ST6GALNAC3: variants seen among roughly 807,000 people sequenced by gnomAD.
ST6GALNAC3 encodes the protein ST6 N-acetylgalactosaminide alpha-2,6-sialyltransferase 3.
In ST6GALNAC3, 25 loss-of-function variants were observed where a neutral mutation model predicts 32.7. The observed-to-expected ratio is 0.76, with a 90% confidence interval of 0.56 to 1.07. The LOEUF (loss-of-function observed/expected upper bound fraction) is 1.07. ST6GALNAC3 is among the 50% of genes least tolerant of loss of function. ST6GALNAC3 has a pLI of 0.00. For missense variants in ST6GALNAC3, 355 were observed against 382.4 expected, an observed-to-expected ratio of 0.93 and a Z score of 0.60; for synonymous variants, 129 against 133.1, an observed-to-expected ratio of 0.97 and a Z score of 0.21.
intron 1 of ST6GALNAC3, among the ~76,000 whole-genome samples, chr1:76,233,292 G>A (rs993752123): frequency 6.6e-6 from 1 of 152,154 alleles, no homozygotes; most frequent in Non-Finnish European, 1.5e-5. Context: ...TGATTGCAAA[G>A]GTTCACTTGC....
At chr1:76,409,539 GA>G (rs35554844) in intron 2 of ST6GALNAC3, among the ~76,000 whole-genome samples, 35,551 of 150,088 alleles carry the variant, frequency 0.24, 5,053 homozygotes, top group Admixed American at 0.31. Flanking sequence ...TTTTATAGTA[GA>G]AAAAAAAACA....
At chr1:76,270,484 G>A (rs1412809789) in intron 1 of ST6GALNAC3, among the ~76,000 whole-genome samples, 5 of 141,968 alleles carry the variant, frequency 3.5e-5, no homozygotes, top group Non-Finnish European at 7.6e-5. Flanking sequence ...TCCAGCCTAG[G>A]TGACAAGAGT....
chr1:76,185,405 G>C (rs935111592), intron 1 of ST6GALNAC3, among the ~76,000 whole-genome samples: 16 of 152,110 alleles, frequency 1.1e-4, no homozygotes, highest in African/African-American at 3.9e-4. Context: ...TCCAGATGAG[G>C]AGACCTTTTC....
intron 3 of ST6GALNAC3, among the ~76,000 whole-genome samples, chr1:76,613,442 G>A (rs1373686896): frequency 6.6e-6 from 1 of 152,162 alleles, no homozygotes; most frequent in Non-Finnish European, 1.5e-5. Flanking sequence ...AATTCTAACT[G>A]AGCTATGGGT....
chr1:76,311,329 G>A (rs972220147), intron 1 of ST6GALNAC3, among the ~76,000 whole-genome samples: 1 of 148,688 alleles, frequency 6.7e-6, no homozygotes, highest in Non-Finnish European at 1.5e-5. Context: ...TGTGTAGAAT[G>A]TACAGGTTTG....
intron 3 of ST6GALNAC3, among the ~76,000 whole-genome samples, chr1:76,599,617 A>G (rs994913882): frequency 1.3e-5 from 2 of 152,112 alleles, no homozygotes; most frequent in African/African-American, 4.8e-5. Flanking sequence ...CATGTGAAAA[A>G]TCAAGTTTAA....
intron 3 of ST6GALNAC3, among the ~76,000 whole-genome samples, chr1:76,617,417 T>C (rs1273493040): frequency 6.6e-6 from 1 of 152,066 alleles, no homozygotes; most frequent in Non-Finnish European, 1.5e-5. Context: ...ATAGGTGAAC[T>C]AAAAGAGAAA....
At chr1:76,432,434 C>T (rs1159268163) in intron 3 of ST6GALNAC3, among the ~76,000 whole-genome samples, 3 of 131,928 alleles carry the variant, frequency 2.3e-5, no homozygotes, top group African/African-American at 2.9e-5. Context: ...GCTAAGTTGC[C>T]TTTATTGCCT....
intron 1 of ST6GALNAC3, among the ~76,000 whole-genome samples, chr1:76,213,070 T>A (rs1248179518): frequency 6.6e-6 from 1 of 152,206 alleles, no homozygotes; most frequent in Non-Finnish European, 1.5e-5. Flanking sequence ...ATAATCCGAA[T>A]TAGGGATAGT....
At chr1:76,269,233 C>T (rs1029350656) in intron 1 of ST6GALNAC3, among the ~76,000 whole-genome samples, 1 of 152,154 alleles carries the variant, frequency 6.6e-6, no homozygotes, top group African/African-American at 2.4e-5. Context: ...TCCTTGTTGT[C>T]AGTCTTTTCT....
Position 76,112,202 on chromosome 1 carries a change from C to A in ST6GALNAC3, c.18+37318C>A, listed in dbSNP as rs1390821320. ...CCCAGTAGGGGCGGCCGGGCAGAGGCGCCCCTCACCTCCCGGACGGGGCGG... is the reference window on the plus strand; with the variant it reads ...CCCAGTAGGGGCGGCCGGGCAGAGGAGCCCCTCACCTCCCGGACGGGGCGG... On this transcript the variant is annotated intron_variant, in intron 1 of 4. Coordinates refer to ENST00000328299, the MANE Select transcript of ST6GALNAC3 (RefSeq NM_152996.4). Among the ~76,000 whole-genome samples the A allele has an allele frequency of 2.1e-5, 3 of 139,728 alleles. No homozygotes were observed. In the East Asian group the frequency reaches 6.7e-4, roughly 31 times the overall value. 91.7% of individuals were successfully genotyped at this position (139,728 alleles called of 152,430 possible).
At chr1:76,075,998 AC>A (rs1385544979) in intron 1 of ST6GALNAC3, among the ~76,000 whole-genome samples, 1 of 152,208 alleles carries the variant, frequency 6.6e-6, no homozygotes, top group Non-Finnish European at 1.5e-5. Flanking sequence ...AAAATAAGAG[AC>A]TAACCTCGTA....
intron 3 of ST6GALNAC3, among the ~76,000 whole-genome samples, chr1:76,562,822 C>A (rs1665324092): frequency 6.6e-6 from 1 of 152,152 alleles, no homozygotes; most frequent in Non-Finnish European, 1.5e-5. Context: ...AGAGACAATT[C>A]TCAAGTTAGA....
At chr1:76,438,182 C>T (rs1438584743) in intron 3 of ST6GALNAC3, among the ~76,000 whole-genome samples, 1 of 150,030 alleles carries the variant, frequency 6.7e-6, no homozygotes, top group Non-Finnish European at 1.5e-5. Context: ...GACAGAGTCT[C>T]GCTGTGTCAC....
chr1:76,202,038 G>A (rs1394852714), intron 1 of ST6GALNAC3, among the ~76,000 whole-genome samples: 2 of 152,116 alleles, frequency 1.3e-5, no homozygotes, highest in African/African-American at 2.4e-5. Flanking sequence ...CAGCACTCCT[G>A]AGTAAAGTGA....
At chr1:76,126,450 T>TCCTC (rs1222857987) in intron 1 of ST6GALNAC3, among the ~76,000 whole-genome samples, 1 of 150,594 alleles carries the variant, frequency 6.6e-6, no homozygotes, top group East Asian at 2.0e-4. Flanking sequence ...CTTCCTTCCT[T>TCCTC]CCTCTCTCTC....
chr1:76,532,346 A>G (rs1057193924), intron 3 of ST6GALNAC3, among the ~76,000 whole-genome samples: 1 of 152,188 alleles, frequency 6.6e-6, no homozygotes, highest in Admixed American at 6.5e-5. Context: ...TTGACATTTT[A>G]TGAAACATGC....
At chr1:76,168,432 T>C (rs1470163885) in intron 1 of ST6GALNAC3, among the ~76,000 whole-genome samples, 1 of 151,928 alleles carries the variant, frequency 6.6e-6, no homozygotes, top group African/African-American at 2.4e-5. Context: ...AAGTGCCATA[T>C]GGCAATGAAA....
At chr1:76,534,743 T>C (rs1663489884) in intron 3 of ST6GALNAC3, among the ~76,000 whole-genome samples, 2 of 152,218 alleles carry the variant, frequency 1.3e-5, no homozygotes, top group South Asian at 4.1e-4. Context: ...TTTTTCTTTG[T>C]TCATAACCAT....
Sources: allele counts gnomAD v4.1 joint callset (sites outside exome capture counted in the v4.1 genomes callset), GRCh38; gene constraint gnomAD v4.1.1; transcripts MANE v1.5; gene names NCBI Gene and HGNC (gene_info 2026-07-23, HGNC 2026-07-21).